The following PTGS2 variants were observed in gnomAD, a reference collection of about 807,000 sequenced individuals.
PTGS2 encodes the protein prostaglandin G/H synthase 2.
In PTGS2, 14 loss-of-function variants were observed where a neutral mutation model predicts 63.8. The ratio of observed to expected loss-of-function variants is 0.22; its 90% CI spans 0.14 to 0.34. The LOEUF is 0.34. Among genes scored for constraint, PTGS2 ranks in the 10% least tolerant of loss-of-function variants. The probability of loss-of-function intolerance (pLI) is 1.00; values close to 1 mark genes in which losing one functional copy is unlikely to be tolerated. For missense variants in PTGS2, 533 were observed against 738.5 expected (o/e 0.72, Z 3.23); for synonymous variants, 271 against 259.5 (o/e 1.04, Z -0.43).
At chr1:186,676,431 G>A (rs1386068443) in intron 7 of PTGS2, 36 bp downstream of exon 7, 2 of 1,599,566 alleles carry the variant, frequency 1.3e-6, no homozygotes, top group East Asian at 2.2e-5. Flanking sequence ...TTTTCCCTGG[G>A]GAAGAGGGTT....
chr1:186,676,319 T>A (rs1212792371), intron 7 of PTGS2, 135 bp from the exon 8 acceptor site: 1 of 1,372,576 alleles, frequency 7.3e-7, no homozygotes, highest in East Asian at 2.3e-5. Context: ...AAGATAGCTA[T>A]TTTATCAGTC....
chr1:186,678,191 A>AT (rs553869709), intron 4 of PTGS2, 70 bp downstream of exon 4: 32,755 of 977,064 alleles, frequency 0.034, 17 homozygotes, highest in South Asian at 0.073. Flanking sequence ...TCTAAGGTCA[A>AT]TTTTTTTTTT....
rs780731610 is a variant in PTGS2, at chr1:186,678,249, C to T, written c.457+12G>A. 9 of 1,593,446 alleles carry T rather than the reference C, an allele frequency of 5.6e-6. No homozygotes were observed. The highest frequency in any genetic ancestry group is 1.4e-5 in the African/African-American group (1 of 73,832). On this transcript the variant is annotated intron_variant, in intron 4 of 9. Transcript: ENST00000367468. The stretch of plus-strand genomic sequence containing the variant: ...ATAGTTAATACATCTCTAATGGATT[C>T]TTCTTACTCACCTTTGACACCCAAG...
intron 7 of PTGS2, 50 bp downstream of exon 7, chr1:186,676,417 C>A (rs760520027): frequency 6.3e-7 from 1 of 1,591,292 alleles, no homozygotes; most frequent in Non-Finnish European, 8.6e-7. Context: ...AGATAGCACA[C>A]TAATTTTCCC....
Position 186,673,475 on chromosome 1 carries a change from A to C in PTGS2, c.*878T>G, listed in dbSNP as rs1665725683. ...AAGGTAGACCCTTTTGCTGATATAGATTTTACATGTTACCAGCCATATAAA... is the reference window on the plus strand; with the variant it reads ...AAGGTAGACCCTTTTGCTGATATAGCTTTTACATGTTACCAGCCATATAAA... On this transcript the variant is annotated 3_prime_UTR_variant, in exon 10 of 10. Transcript: ENST00000367468. The C allele has an allele frequency of 6.6e-6, 1 of 152,172 alleles. No individual in the cohort carries two copies. The highest frequency in any genetic ancestry group is 2.4e-5 in the African/African-American group (1 of 41,452). 9.4% of individuals were successfully genotyped at this position (152,172 alleles called of 1,614,324 possible). A position where few individuals can be genotyped will look rare whatever the true frequency, so the allele number is the denominator to read the frequency against.
Position 186,677,685 on chromosome 1 carries a change from C to T in PTGS2, c.603G>A (p.Lys201=), listed in dbSNP as rs1440434396. ...GCCCGTTGGTGAAAGCTGGCCCTCGCTTATGATCTGTCTTGAAAAACTGAT... is the reference window on the plus strand; with the variant it reads ...GCCCGTTGGTGAAAGCTGGCCCTCGTTTATGATCTGTCTTGAAAAACTGAT... ...FTHQFFKTDH[K]RGPAFTNGLG... The change falls in exon 5 of 10, where the codon AAG becomes AAA. Residue 201 remains lysine (K), a synonymous_variant. Transcript: ENST00000367468. 6.2e-7 allele frequency: 1 copy of T among 1,613,464 alleles called. No individual in the cohort carries two copies. The highest frequency in any genetic ancestry group is 1.7e-5 in the Admixed American group (1 of 59,834).
At chr1:186,679,501 A>T (rs1043519847) in intron 1 of PTGS2, 63 bp from the exon 2 acceptor site, 15 of 1,211,496 alleles carry the variant, frequency 1.2e-5, no homozygotes, top group Non-Finnish European at 1.7e-5. Context: ...TAAACATTTA[A>T]TTGTTTGACT....
Position 186,675,199 on chromosome 1 carries a change from A to AAAAC in PTGS2, c.1405+46_1405+49dup, listed in dbSNP as rs4648280. 3.0e-3 allele frequency: 4,714 copies of AAAAC among 1,597,144 alleles called. 14 individuals are homozygous for AAAAC. The highest frequency in any genetic ancestry group is 9.8e-3 in the East Asian group (440 of 44,734). On this transcript the variant is annotated intron_variant, in intron 9 of 9. Transcript: ENST00000367468. ...CTCGAAAAGAAAACCAAAAACAACA[A>AAAAC]AAACAAACAAACAAACAAAAAACGA...
At chr1:186,677,916 T>C (rs543317573) in intron 4 of PTGS2, 86 bp from the exon 5 acceptor site, 1 of 1,281,658 alleles carries the variant, frequency 7.8e-7, no homozygotes, top group East Asian at 2.4e-5. Context: ...GAATTCTTCA[T>C]TTATATGAGA....
At position 186,677,678 on chromosome 1, in the gene PTGS2, G is replaced by A. The variant is rs919237837; in HGVS notation, c.610C>T (p.Pro204Ser). 3.1e-6 allele frequency: 5 copies of A among 1,612,538 alleles called. No individual in the cohort carries two copies. Among genetic ancestry groups the A allele is most frequent in the Non-Finnish European group, 4.2e-6 (5 of 1,179,446 alleles). The change falls in exon 5 of 10, where the codon CCA (proline) becomes TCA (serine). Residue 204 changes from proline to serine, a missense_variant. By Grantham distance (74) the Pro-to-Ser change is moderately conservative. Coordinates refer to ENST00000367468, the MANE Select transcript of PTGS2 (RefSeq NM_000963.4). ...TGGCCCAGCCCGTTGGTGAAAGCTG[G>A]CCCTCGCTTATGATCTGTCTTGAAA... Reference protein sequence around the residue: ...QFFKTDHKRGPAFTNGLGHGV... With the variant: ...QFFKTDHKRGSAFTNGLGHGV...
Position 186,680,229 on chromosome 1 carries a change from A to G in PTGS2, c.52+10T>C, listed in dbSNP as rs767685392. On this transcript the variant is annotated intron_variant, in intron 1 of 9. Transcript: ENST00000367468. ...ACCGGAGTCCCCGGTGCGCGGCGCC[A>G]GGTACTCACCTGTATGGCTGAGCGC... The G allele has an allele frequency of 1.3e-6, 2 of 1,549,700 alleles. No homozygotes were observed. Among genetic ancestry groups the G allele is most frequent in the Non-Finnish European group, 1.7e-6 (2 of 1,146,708 alleles).
At chr1:186,676,808 G>A (rs778118798) in intron 6 of PTGS2, 25 bp downstream of exon 6, 1 of 1,606,412 alleles carries the variant, frequency 6.2e-7, no homozygotes, top group Non-Finnish European at 8.5e-7. Context: ...TAATAACTAA[G>A]TCTTAATAGT....
intron 2 of PTGS2, 25 bp downstream of exon 2, chr1:186,679,297 T>C (rs764376491): frequency 6.2e-7 from 1 of 1,613,718 alleles, no homozygotes; most frequent in South Asian, 1.1e-5. Flanking sequence ...CCACTCCTAA[T>C]GAGGCAACCA....
chr1:186,675,454 T>C, intron 8 of PTGS2, 58 bp from the exon 9 acceptor site: 1 of 1,580,730 alleles, frequency 6.3e-7, no homozygotes, highest in South Asian at 1.2e-5. Flanking sequence ...ACTGTTTGTA[T>C]TCAGCTTGCC....
Position 186,674,603 on chromosome 1 carries a change from C to CAT in PTGS2, c.1564_1565insAT (p.Gly522AspfsTer38). ...GTAGGCAGGAGAACATATAACATTA[C>CAT]CCATAAGTCCTTTCAAGGAGAATGG... is the stretch of plus-strand genomic sequence containing the variant. On this transcript the variant is annotated frameshift_variant, in exon 10 of 10. Coordinates refer to ENST00000367468, the MANE Select transcript of PTGS2 (RefSeq NM_000963.4). LOFTEE classifies it high-confidence loss of function. 1 of 1,614,208 alleles carries CAT rather than the reference C, an allele frequency of 6.2e-7. No individual in the cohort carries two copies. Among genetic ancestry groups the CAT allele is most frequent in the Non-Finnish European group, 8.5e-7 (1 of 1,180,030 alleles).
Position 186,676,135 on chromosome 1 carries a change from G to T in PTGS2, c.1020C>A (p.Gly340=). The change falls in exon 8 of 10, where the codon GGC becomes GGA. Residue 340 remains glycine, a synonymous_variant. Coordinates refer to ENST00000367468, the MANE Select transcript of PTGS2 (RefSeq NM_000963.4). ...GGTCAAATTTCAGTTTGAAGTGATA[G>T]CCACTCAAGTGTTGCACATAATCTT... The part of the protein sequence containing the change: ...VIEDYVQHLS[G]YHFKLKFDPE... 1 of 1,614,028 alleles carries T rather than the reference G, an allele frequency of 6.2e-7. No homozygotes were observed. The highest frequency in any genetic ancestry group is 1.1e-5 in the South Asian group (1 of 91,078).
In PTGS2 at chr1:186,673,234, T is replaced by G; in HGVS notation, c.*1119A>C. ...AGGTATTTTATGAGGTCATTGCTACTTTTGCAATGTGATATGGACTGCTAA... is the reference window on the plus strand; with the variant it reads ...AGGTATTTTATGAGGTCATTGCTACGTTTGCAATGTGATATGGACTGCTAA... On this transcript the variant is annotated 3_prime_UTR_variant, in exon 10 of 10. Transcript: ENST00000367468. 6.6e-6 allele frequency: 1 copy of G among 152,162 alleles called. No homozygotes were observed. The highest frequency in any genetic ancestry group is 1.9e-4 in the East Asian group (1 of 5,194). 9.4% of individuals were successfully genotyped at this position (152,162 alleles called of 1,614,324 possible).
chr1:186,676,951 G>T (rs200791582), intron 5 of PTGS2, 35 bp from the exon 6 acceptor site: 2 of 1,525,556 alleles, frequency 1.3e-6, no homozygotes, highest in South Asian at 2.4e-5. Context: ...ATTTGTTGCT[G>T]TTGAAGTTTT....
Position 186,674,781 on chromosome 1 carries a change from C to G in PTGS2, c.1406-19G>C. The stretch of plus-strand genomic sequence containing the variant: ...TTTTCTCCTGTGAAGGCGATGAAGA[C>G]AGAGATACAACCAATGTCAAACTTC... On this transcript the variant is annotated intron_variant, in intron 9 of 9. Transcript: ENST00000367468. 1 of 1,582,064 alleles carries G rather than the reference C, an allele frequency of 6.3e-7. No individual in the cohort carries two copies. Among genetic ancestry groups the G allele is most frequent in the Non-Finnish European group, 8.6e-7 (1 of 1,166,092 alleles).
Sources: gnomAD v4.1 joint callset for allele counts on GRCh38, gnomAD v4.1.1 for gene constraint, MANE v1.5 for transcripts, NCBI Gene and HGNC (gene_info 2026-07-23, HGNC 2026-07-21) for gene names.